The following EDA variants were observed in gnomAD, a reference collection of about 807,000 sequenced individuals.
EDA encodes ectodysplasin A, also known as ectodysplasin-A.
In EDA, 2 loss-of-function variants were observed where a neutral mutation model predicts 23.6. That is an observed-to-expected ratio of 0.08 (90% CI 0.03 to 0.27). The LOEUF (loss-of-function observed/expected upper bound fraction) is 0.27, where lower values mean the gene tolerates loss of function less well. Among genes scored for constraint, EDA ranks in the 10% least tolerant of loss-of-function variants. The pLI is 1.00. For missense variants in EDA, 229 were observed against 324.2 expected, an observed-to-expected ratio of 0.71 and a Z score of 2.26; for synonymous variants, 131 against 132.0, an observed-to-expected ratio of 0.99 and a Z score of 0.05.
At chrX:69,642,496 TA>T (rs746830637) in intron 1 of EDA, among the ~76,000 whole-genome samples, 71 of 111,050 alleles carry the variant, frequency 6.4e-4, no homozygotes, top group Admixed American at 1.2e-3. Context: ...TTTATTCTTA[TA>T]AAGAACCAAG....
chrX:69,713,206 G>T (rs2520412), intron 1 of EDA, among the ~76,000 whole-genome samples: 35,752 of 111,076 alleles, frequency 0.32, 5,046 homozygotes, highest in Middle Eastern at 0.56. Flanking sequence ...AAAACTTAAA[G>T]TATATTTTAA....
intron 2 of EDA, among the ~76,000 whole-genome samples, chrX:69,988,851 A>G (rs918204924): frequency 3.6e-5 from 4 of 111,465 alleles, no homozygotes; most frequent in African/African-American, 1.3e-4. Flanking sequence ...GCGAGACTCC[A>G]TCTCAAAAAG....
chrX:69,719,907 G>A (rs937400995), intron 1 of EDA, among the ~76,000 whole-genome samples: 3 of 109,962 alleles, frequency 2.7e-5, no homozygotes, highest in East Asian at 2.9e-4. Context: ...GCACCACCAC[G>A]CCTGGCTAAT....
chrX:69,938,571 T>C (rs978015144), intron 1 of EDA, among the ~76,000 whole-genome samples: 1 of 111,980 alleles, frequency 8.9e-6, no homozygotes, highest in African/African-American at 3.2e-5. Flanking sequence ...TCTCTTAACT[T>C]TGTGGATTGT....
At position 69,885,664 on chromosome X, in the gene EDA, A is replaced by G. The variant is rs191723152; in HGVS notation, c.397-71363A>G. 8.0e-5 allele frequency among the ~76,000 whole-genome samples: 9 copies of G among 111,906 alleles called. No homozygotes were observed. In the East Asian group the frequency reaches 2.3e-3, roughly 28 times the overall value. On this transcript the variant is annotated intron_variant, in intron 1 of 7. Coordinates refer to ENST00000374552, the MANE Select transcript of EDA (RefSeq NM_001399.5). ...TGTAGGAGCCTTGGAATTCAGGTACAAGTTTGTGAAACCCCTGCAGAACCC... is the reference window on the plus strand; with the variant it reads ...TGTAGGAGCCTTGGAATTCAGGTACGAGTTTGTGAAACCCCTGCAGAACCC...
chrX:69,698,838 C>G (rs777145205), intron 1 of EDA, among the ~76,000 whole-genome samples: 3 of 110,990 alleles, frequency 2.7e-5, no homozygotes, highest in South Asian at 3.9e-4. Flanking sequence ...TAGAGTCAGG[C>G]TGTTATCAGA....
intron 1 of EDA, among the ~76,000 whole-genome samples, chrX:69,657,922 T>C (rs1051524892): frequency 1.8e-5 from 2 of 111,733 alleles, no homozygotes; most frequent in Non-Finnish European, 3.8e-5. Context: ...AGCTTTCTTT[T>C]TGCTTAGGAT....
At chrX:69,958,078 C>G (rs1391900505) in intron 2 of EDA, among the ~76,000 whole-genome samples, 1 of 112,130 alleles carries the variant, frequency 8.9e-6, no homozygotes, top group Non-Finnish European at 1.9e-5. Context: ...GGTGTAATAG[C>G]TTTGAGTTAA....
chrX:69,724,142 G>T lies in EDA; in HGVS notation c.396+107438G>T, dbSNP rs2012699388. ...TGGCTTTCTCCATGATGTTCCATTGGTGAATTGATTACTAGGTTTGGTTTG... is the reference window on the plus strand; with the variant it reads ...TGGCTTTCTCCATGATGTTCCATTGTTGAATTGATTACTAGGTTTGGTTTG... On this transcript the variant is annotated intron_variant, in intron 1 of 7. Transcript: ENST00000374552. Among the ~76,000 whole-genome samples the T allele has an allele frequency of 2.7e-5, 3 of 111,984 alleles. No individual in the cohort carries two copies. The South Asian group carries it at 1.1e-3, about 42-fold the overall frequency.
At chrX:69,934,718 A>G (rs942836635) in intron 1 of EDA, among the ~76,000 whole-genome samples, 1 of 111,936 alleles carries the variant, frequency 8.9e-6, no homozygotes, top group Non-Finnish European at 1.9e-5. Flanking sequence ...AATAATCACA[A>G]CAAGGTAAAT....
intron 1 of EDA, among the ~76,000 whole-genome samples, chrX:69,788,121 G>A (rs1278821271): frequency 1.8e-5 from 2 of 110,847 alleles, no homozygotes; most frequent in East Asian, 5.7e-4. Flanking sequence ...CATAGTTCTC[G>A]AGCCTTGGTT....
chrX:69,880,617 A>G (rs1459149052), intron 1 of EDA, among the ~76,000 whole-genome samples: 1 of 111,766 alleles, frequency 8.9e-6, no homozygotes. Context: ...AGGAAAATCC[A>G]TGTGTTGTCC....
chrX:69,843,954 A>G (rs2147564495), intron 1 of EDA, among the ~76,000 whole-genome samples: 1 of 103,739 alleles, frequency 9.6e-6, no homozygotes, highest in East Asian at 3.2e-4. Context: ...CCCAGGAGGC[A>G]GAGCTTGCAG....
chrX:69,826,638 C>G (rs1247035432), intron 1 of EDA, among the ~76,000 whole-genome samples: 2 of 109,135 alleles, frequency 1.8e-5, no homozygotes, highest in Admixed American at 1.9e-4. Flanking sequence ...ACTGATGGGT[C>G]TTGACTCTTT....
At chrX:69,910,678 C>T (rs1401549881) in intron 1 of EDA, among the ~76,000 whole-genome samples, 3 of 110,869 alleles carry the variant, frequency 2.7e-5, no homozygotes, top group African/African-American at 9.8e-5. Flanking sequence ...TTCTGTGAAT[C>T]TATCACGTTC....
chrX:69,651,012 G>A (rs750826976), intron 1 of EDA, among the ~76,000 whole-genome samples: 3 of 111,550 alleles, frequency 2.7e-5, no homozygotes, highest in African/African-American at 9.8e-5. Flanking sequence ...AGATTGTAAA[G>A]GCAGGGGGAT....
chrX:69,801,574 GAAAC>G (rs2015686585), intron 1 of EDA, among the ~76,000 whole-genome samples: 1 of 111,315 alleles, frequency 9.0e-6, no homozygotes, highest in African/African-American at 3.3e-5. Flanking sequence ...ATTAAAATGT[GAAAC>G]AAAATCCAAA....
intron 1 of EDA, among the ~76,000 whole-genome samples, chrX:69,640,282 T>C (rs1205229265): frequency 1.8e-5 from 2 of 112,016 alleles, no homozygotes; most frequent in African/African-American, 6.5e-5. Flanking sequence ...ATAATAATAT[T>C]TGTTGTTGAA....
intron 1 of EDA, among the ~76,000 whole-genome samples, chrX:69,863,206 A>AT (rs2017416589): frequency 9.1e-6 from 1 of 109,704 alleles, no homozygotes; most frequent in African/African-American, 3.3e-5. Context: ...AAGAAATTAA[A>AT]TGGCCAGAGA....
Sources: allele counts gnomAD v4.1 joint callset (sites outside exome capture counted in the v4.1 genomes callset), GRCh38; gene constraint gnomAD v4.1.1; transcripts MANE v1.5; gene names NCBI Gene and HGNC (gene_info 2026-07-23, HGNC 2026-07-21).